Variants in PKP4 observed in about 807,000 individuals in gnomAD.
PKP4 encodes plakophilin-4.
PKP4 carries 90 observed loss-of-function variants against 145.1 expected under a neutral mutation model. That is an observed-to-expected ratio of 0.62 (90% CI 0.52 to 0.74). PKP4 has a LOEUF of 0.74. PKP4 is among the 30% of genes least tolerant of loss of function. The pLI is 0.00. For synonymous variants in PKP4, 563 were observed against 577.2 expected (o/e 0.98, Z 0.35); for missense variants, 1,340 against 1,482.7 (o/e 0.90, Z 1.58).
At chr2:158,490,873 T>A (rs1185148046) in intron 1 of PKP4, among the ~76,000 whole-genome samples, 1 of 152,168 alleles carries the variant, frequency 6.6e-6, no homozygotes, top group Non-Finnish European at 1.5e-5. Context: ...ATTGATGGCA[T>A]TTGTCAGGAC....
chr2:158,669,992 AC>A, intron 17 of PKP4, 77 bp downstream of exon 17: 1 of 1,128,906 alleles, frequency 8.9e-7, no homozygotes, highest in Non-Finnish European at 1.2e-6. Context: ...TGTTGAGGAT[AC>A]CTTTCCTATT....
At chr2:158,635,073 G>T (rs2053694006) in intron 9 of PKP4, among the ~76,000 whole-genome samples, 1 of 152,146 alleles carries the variant, frequency 6.6e-6, no homozygotes, top group Admixed American at 6.5e-5. Context: ...TTTAAGGCAT[G>T]TATGCAAGAT....
Position 158,528,369 on chromosome 2 carries a change from C to T in PKP4, c.-5-4811C>T, listed in dbSNP as rs2043154544. Among the ~76,000 whole-genome samples, 3 of 115,750 alleles carry T rather than the reference C, an allele frequency of 2.6e-5. No individual in the cohort carries two copies. The Admixed American group carries it at 3.1e-4, about 12-fold the overall frequency. The allele number at this position is 115,750 out of a possible 152,430, so 75.9% of individuals were successfully genotyped here. On this transcript the variant is annotated intron_variant, in intron 1 of 21. Coordinates refer to ENST00000389759, the MANE Select transcript of PKP4 (RefSeq NM_003628.6). ...GGATGAAATTGGAAACCTTCATTCTCAGTAAACTATCGCAAGAACAAAAAA... is the reference window on the plus strand; with the variant it reads ...GGATGAAATTGGAAACCTTCATTCTTAGTAAACTATCGCAAGAACAAAAAA...
At chr2:158,478,491 G>C (rs1428633107) in intron 1 of PKP4, among the ~76,000 whole-genome samples, 1 of 152,186 alleles carries the variant, frequency 6.6e-6, no homozygotes, top group East Asian at 1.9e-4. Flanking sequence ...GGAATCATCA[G>C]CAAGCCTGTA....
chr2:158,473,460 G>A (rs773821986), intron 1 of PKP4, among the ~76,000 whole-genome samples: 4 of 152,188 alleles, frequency 2.6e-5, no homozygotes, highest in African/African-American at 4.8e-5. Context: ...CATATACACC[G>A]TGCAATACTA....
intron 2 of PKP4, among the ~76,000 whole-genome samples, chr2:158,540,169 C>G (rs907077258): frequency 1.3e-5 from 2 of 152,128 alleles, no homozygotes; most frequent in African/African-American, 4.8e-5. Context: ...ATGTCCTCAA[C>G]TATATATTCA....
chr2:158,516,278 CCAAAGTGCAGCCTG>C lies in PKP4; in HGVS notation c.-5-16899_-5-16886del, dbSNP rs545713693. Among the ~76,000 whole-genome samples, 340 of 152,120 alleles carry C rather than the reference CCAAAGTGCAGCCTG, an allele frequency of 2.2e-3. 3 individuals carry two copies. Among genetic ancestry groups the C allele is most frequent in the African/African-American group, 8.0e-3 (330 of 41,490 alleles). On this transcript the variant is annotated intron_variant, in intron 1 of 21. Transcript: ENST00000389759. ...TGAAATTCTGCATTTCTTACAAGTT[CCAAAGTGCAGCCTG>C]CACAACTGGCACACAGATTACACTT...
chr2:158,626,475 C>T (rs1029333307), intron 7 of PKP4, among the ~76,000 whole-genome samples: 13 of 152,316 alleles, frequency 8.5e-5, no homozygotes, highest in East Asian at 1.9e-4. Flanking sequence ...GTAGTACATA[C>T]ATTGTTCTCC....
At chr2:158,535,444 C>T (rs1168302984) in intron 2 of PKP4, among the ~76,000 whole-genome samples, 1 of 152,156 alleles carries the variant, frequency 6.6e-6, no homozygotes, top group Non-Finnish European at 1.5e-5. Context: ...GGGTCTTGCT[C>T]TGTTGCCCAG....
chr2:158,499,278 G>C (rs1348158997), intron 1 of PKP4, among the ~76,000 whole-genome samples: 2 of 152,040 alleles, frequency 1.3e-5, no homozygotes, highest in African/African-American at 2.4e-5. Context: ...TACATTACCT[G>C]AGGGTGCACA....
intron 6 of PKP4, among the ~76,000 whole-genome samples, chr2:158,624,117 C>CT (rs527392979): frequency 2.6e-4 from 39 of 151,960 alleles, no homozygotes; most frequent in Non-Finnish European, 4.3e-4. Flanking sequence ...TTGGGGGTGC[C>CT]TTTTTTTTGC....
Position 158,522,276 on chromosome 2 carries a change from G to C in PKP4, c.-5-10904G>C, listed in dbSNP as rs147710912. On this transcript the variant is annotated intron_variant, in intron 1 of 21. Coordinates refer to ENST00000389759, the MANE Select transcript of PKP4 (RefSeq NM_003628.6). The stretch of plus-strand genomic sequence containing the variant: ...CAGATGATTTTGTGGACTATTATCA[G>C]CTCTGGTAAAAGAGATTACATATAT... Among the ~76,000 whole-genome samples the C allele has an allele frequency of 4.8e-3, 732 of 152,256 alleles. 1 individual carries two copies. The highest frequency in any genetic ancestry group is 0.016 in the African/African-American group (669 of 41,536).
intron 2 of PKP4, among the ~76,000 whole-genome samples, chr2:158,536,477 A>G (rs546551823): frequency 4.6e-5 from 7 of 152,198 alleles, no homozygotes; most frequent in East Asian, 1.9e-4. Flanking sequence ...TACCTCACAC[A>G]TACTCCCCTT....
chr2:158,558,936 A>C (rs1249458077), intron 2 of PKP4, among the ~76,000 whole-genome samples: 3 of 152,104 alleles, frequency 2.0e-5, no homozygotes, highest in African/African-American at 7.2e-5. Flanking sequence ...GTGCCTCCTG[A>C]GTGAATGGGA....
At chr2:158,641,117 A>T (rs978719018) in intron 10 of PKP4, among the ~76,000 whole-genome samples, 1 of 152,120 alleles carries the variant, frequency 6.6e-6, no homozygotes, top group Admixed American at 6.6e-5. Context: ...CTGGCAGATC[A>T]CCTGAGGTCC....
At chr2:158,561,546 C>G (rs1027599738) in intron 2 of PKP4, among the ~76,000 whole-genome samples, 3 of 152,214 alleles carry the variant, frequency 2.0e-5, no homozygotes, top group African/African-American at 7.2e-5. Context: ...CATCTTAAAA[C>G]AGGGATTTGT....
chr2:158,539,191 C>T (rs2044312772), intron 2 of PKP4, among the ~76,000 whole-genome samples: 1 of 152,086 alleles, frequency 6.6e-6, no homozygotes, highest in South Asian at 2.1e-4. Flanking sequence ...AAATGAGAGC[C>T]AGAGATCCTT....
intron 2 of PKP4, among the ~76,000 whole-genome samples, chr2:158,561,278 G>A (rs573545013): frequency 6.6e-6 from 1 of 152,194 alleles, no homozygotes; most frequent in African/African-American, 2.4e-5. Flanking sequence ...TGTGTATCTG[G>A]CCTTTTCTAG....
intron 9 of PKP4, among the ~76,000 whole-genome samples, chr2:158,635,667 T>A (rs2053746923): frequency 1.3e-5 from 2 of 152,160 alleles, no homozygotes; most frequent in African/African-American, 4.8e-5. Context: ...AAACAAGGAC[T>A]TCATGTATGA....
Sources: allele counts gnomAD v4.1 joint callset (sites outside exome capture counted in the v4.1 genomes callset), GRCh38; gene constraint gnomAD v4.1.1; transcripts MANE v1.5; gene names NCBI Gene and HGNC (gene_info 2026-07-23, HGNC 2026-07-21).